Variants in NLGN1 observed in about 807,000 individuals in gnomAD.
NLGN1 encodes the protein neuroligin-1.
A neutral mutation model predicts 65.5 loss-of-function variants in NLGN1; 12 were observed. The ratio of observed to expected loss-of-function variants is 0.18; its 90% CI spans 0.12 to 0.30. The LOEUF is 0.30. Ranked by LOEUF, NLGN1 falls within the 10% of genes least tolerant of loss-of-function variation. The probability of loss-of-function intolerance (pLI) is 1.00; values close to 1 mark genes in which losing one functional copy is unlikely to be tolerated. For synonymous variants in NLGN1, 350 were observed against 359.5 expected (o/e 0.97, Z 0.30); for missense variants, 750 against 1,007.1 (o/e 0.74, Z 3.46).
At chr3:173,815,127 CTTT>C (rs879893098) in intron 4 of NLGN1, among the ~76,000 whole-genome samples, 1 of 129,662 alleles carries the variant, frequency 7.7e-6, no homozygotes, top group Non-Finnish European at 1.7e-5. Flanking sequence ...CTTCCTTTTT[CTTT>C]TTTTTTTTTA....
chr3:173,663,193 T>C (rs1321329913), intron 3 of NLGN1, among the ~76,000 whole-genome samples: 1 of 151,966 alleles, frequency 6.6e-6, no homozygotes, highest in Non-Finnish European at 1.5e-5. Flanking sequence ...GTCTCAGTGC[T>C]CTCATCTGAA....
intron 4 of NLGN1, among the ~76,000 whole-genome samples, chr3:174,130,015 A>G (rs1719821675): frequency 6.6e-6 from 1 of 152,264 alleles, no homozygotes; most frequent in Non-Finnish European, 1.5e-5. Flanking sequence ...ATGCAGCTGC[A>G]GACCACACTA....
intron 4 of NLGN1, among the ~76,000 whole-genome samples, chr3:173,995,228 G>A (rs993502662): frequency 2.0e-5 from 3 of 152,170 alleles, no homozygotes; most frequent in Non-Finnish European, 2.9e-5. Flanking sequence ...TCCAAAGGAA[G>A]AAACTAGAGC....
chr3:173,539,819 T>C (rs1353600954), intron 2 of NLGN1, among the ~76,000 whole-genome samples: 1 of 133,752 alleles, frequency 7.5e-6, no homozygotes, highest in Non-Finnish European at 1.6e-5. Flanking sequence ...TATATACATA[T>C]GTTATATATG....
chr3:173,854,607 A>G (rs894586306), intron 4 of NLGN1, among the ~76,000 whole-genome samples: 3 of 152,118 alleles, frequency 2.0e-5, no homozygotes, highest in Non-Finnish European at 4.4e-5. Context: ...TATGGTTACA[A>G]TAGCAGCCAA....
At chr3:173,628,563 C>T (rs147933498) in intron 3 of NLGN1, among the ~76,000 whole-genome samples, 598 of 151,530 alleles carry the variant, frequency 3.9e-3, no homozygotes, top group African/African-American at 0.013. Context: ...TCTAATAAAA[C>T]TGGGAGTAAT....
exon 3 of NLGN1, chr3:173,604,615 G>T: frequency 6.2e-7 from 1 of 1,613,464 alleles, no homozygotes; most frequent in Non-Finnish European, 8.5e-7. Flanking sequence ...CTGCCCAGAT[G>T]CACGTGGCCA....
chr3:174,247,195 T>C (rs1231313242), intron 4 of NLGN1, among the ~76,000 whole-genome samples: 1 of 152,226 alleles, frequency 6.6e-6, no homozygotes, highest in East Asian at 1.9e-4. Context: ...TGGAGATCAA[T>C]ATCAAAGGTT....
intron 3 of NLGN1, among the ~76,000 whole-genome samples, chr3:173,688,093 T>C (rs1262410172): frequency 6.6e-6 from 1 of 152,200 alleles, no homozygotes; most frequent in African/African-American, 2.4e-5. Context: ...AGACCTAGAC[T>C]ATGTCTGATG....
intron 1 of NLGN1, among the ~76,000 whole-genome samples, chr3:173,399,231 G>A (rs568471916): frequency 6.6e-6 from 1 of 152,180 alleles, no homozygotes; most frequent in African/African-American, 2.4e-5. Context: ...ATTAAAAGAA[G>A]TAACTGTTTT....
chr3:173,675,830 TTCTC>T (rs1763058938), intron 3 of NLGN1, among the ~76,000 whole-genome samples: 1 of 142,848 alleles, frequency 7.0e-6, no homozygotes, highest in African/African-American at 2.6e-5. Context: ...ACTGCTCTCT[TTCTC>T]TGTCTCTGTC....
intron 2 of NLGN1, among the ~76,000 whole-genome samples, chr3:173,503,006 T>G (rs1047621134): frequency 6.6e-6 from 1 of 152,056 alleles, no homozygotes; most frequent in Non-Finnish European, 1.5e-5. Context: ...CTTTTGCAAC[T>G]TATACAGCCT....
At chr3:174,036,730 T>A (rs538308482) in intron 4 of NLGN1, among the ~76,000 whole-genome samples, 1 of 151,972 alleles carries the variant, frequency 6.6e-6, no homozygotes, top group African/African-American at 2.4e-5. Flanking sequence ...CATTAGTTAT[T>A]TTTTCAGATC....
intron 2 of NLGN1, among the ~76,000 whole-genome samples, chr3:173,497,349 C>T (rs1194148809): frequency 2.0e-5 from 3 of 151,226 alleles, no homozygotes; most frequent in Admixed American, 1.3e-4. Flanking sequence ...GAGCATGCCA[C>T]TGCACTCCAG....
chr3:173,853,696 C>A (rs1727409774), intron 4 of NLGN1, among the ~76,000 whole-genome samples: 1 of 152,000 alleles, frequency 6.6e-6, no homozygotes, highest in Non-Finnish European at 1.5e-5. Context: ...GAAAAACTAA[C>A]ACAATCTTAG....
intron 3 of NLGN1, among the ~76,000 whole-genome samples, chr3:173,794,066 T>C (rs1423485147): frequency 6.6e-6 from 1 of 152,052 alleles, no homozygotes; most frequent in African/African-American, 2.4e-5. Context: ...TTCTATGTGC[T>C]ATTTTCTTTC....
chr3:173,598,629 C>A (rs529630439), intron 2 of NLGN1, among the ~76,000 whole-genome samples: 1 of 152,248 alleles, frequency 6.6e-6, no homozygotes, highest in African/African-American at 2.4e-5. Flanking sequence ...CTCTAGCCTG[C>A]CATTTCAATC....
At chr3:173,898,844 A>G (rs1446622774) in intron 4 of NLGN1, among the ~76,000 whole-genome samples, 1 of 152,180 alleles carries the variant, frequency 6.6e-6, no homozygotes, top group East Asian at 1.9e-4. Context: ...ACATTGGATT[A>G]AAGCTGTCCC....
rs140893769 is a variant in NLGN1, at chr3:174,057,271, C to T, written c.647-218044C>T. On this transcript the variant is annotated intron_variant, in intron 4 of 6. Transcript: ENST00000457714. ...GACACGGTACTGTTTTTGATGGGGA[C>T]GGGGAAAACTTCTTGATAACTAGAT... Among the ~76,000 whole-genome samples the T allele has an allele frequency of 2.8e-4, 43 of 151,924 alleles. No homozygotes were observed. The East Asian group carries it at 7.0e-3, about 25-fold the overall frequency.
Sources: gnomAD v4.1 joint callset for allele counts (sites outside exome capture counted in the v4.1 genomes callset) on GRCh38, gnomAD v4.1.1 for gene constraint, MANE v1.5 for transcripts, NCBI Gene and HGNC (gene_info 2026-07-23, HGNC 2026-07-21) for gene names.